LRBA: variants seen among roughly 807,000 people sequenced by gnomAD.
LRBA encodes the protein LPS responsive beige-like anchor protein.
In LRBA, 176 loss-of-function variants were observed where a neutral mutation model predicts 330.0. That is an observed-to-expected ratio of 0.53 (90% CI 0.47 to 0.60). LRBA has a LOEUF of 0.60. Ranked by LOEUF, LRBA falls within the 20% of genes least tolerant of loss-of-function variation. The pLI is 0.00. For synonymous variants in LRBA, 1,230 were observed against 1,193.0 expected, an observed-to-expected ratio of 1.03 and a Z score of -0.64; for missense variants, 3,259 against 3,444.8, an observed-to-expected ratio of 0.95 and a Z score of 1.35.
chr4:150,993,607 C>CT (rs769108630), intron 2 of LRBA, among the ~76,000 whole-genome samples: 2 of 152,130 alleles, frequency 1.3e-5, no homozygotes, highest in African/African-American at 2.4e-5. Context: ...TTTAATTGGA[C>CT]TTACAGTTCC....
rs539205921 is a variant in LRBA at position 150,292,838 on chromosome 4, G to T, written c.8018-6804C>A. ...TTGTAAAGGTCAACATAATAGTACTGAAGTCCATACCACTTGTAACAACTA... is the reference window on the plus strand; with the variant it reads ...TTGTAAAGGTCAACATAATAGTACTTAAGTCCATACCACTTGTAACAACTA... On this transcript the variant is annotated intron_variant, in intron 53 of 56. Coordinates refer to ENST00000651943, the MANE Select transcript of LRBA (RefSeq NM_001364905.1). Among the ~76,000 whole-genome samples the T allele has an allele frequency of 2.4e-4, 36 of 152,164 alleles. 1 individual carries two copies. In the South Asian group the frequency reaches 6.7e-3, roughly 28 times the overall value.
At chr4:150,969,566 C>G (rs868839089) in intron 2 of LRBA, among the ~76,000 whole-genome samples, 5 of 152,174 alleles carry the variant, frequency 3.3e-5, no homozygotes, top group African/African-American at 1.2e-4. Context: ...CTCCCAGACT[C>G]AGGTAATCCT....
Position 150,836,242 on chromosome 4 carries a change from G to A in LRBA, c.4570-4266C>T, listed in dbSNP as rs1026826568. Among the ~76,000 whole-genome samples, 34 of 152,146 alleles carry A rather than the reference G, an allele frequency of 2.2e-4. 1 individual carries two copies. Among genetic ancestry groups the A allele is most frequent in the Non-Finnish European group, 1.9e-4 (13 of 68,026 alleles). The stretch of plus-strand genomic sequence containing the variant: ...GGATTTTTGCATCGATGTTCATCAG[G>A]GATATTGGTCTAAAATTCTCTTTTT... On this transcript the variant is annotated intron_variant, in intron 28 of 56. Coordinates refer to ENST00000651943, the MANE Select transcript of LRBA (RefSeq NM_001364905.1).
At position 150,382,687 on chromosome 4, in the gene LRBA, T is replaced by C. The variant is rs76500772; in HGVS notation, c.7195-32528A>G. On this transcript the variant is annotated intron_variant, in intron 47 of 56. Coordinates refer to ENST00000651943, the MANE Select transcript of LRBA (RefSeq NM_001364905.1). ...TTTGCAAATATTCACAGGCTTTTTG[T>C]GCTTTTTCAAGGCAAACTAAACCAA... is the stretch of plus-strand genomic sequence containing the variant. Among the ~76,000 whole-genome samples the C allele has an allele frequency of 4.1e-3, 628 of 152,078 alleles. 4 individuals are homozygous for C. Among genetic ancestry groups the C allele is most frequent in the African/African-American group, 0.014 (564 of 41,482 alleles).
At chr4:150,843,074 G>A (rs755382331) in intron 28 of LRBA, among the ~76,000 whole-genome samples, 4 of 152,108 alleles carry the variant, frequency 2.6e-5, no homozygotes, top group African/African-American at 4.8e-5. Context: ...ACCAGGAGGC[G>A]GAGCTTGGCT....
intron 37 of LRBA, among the ~76,000 whole-genome samples, chr4:150,671,064 CAG>C (rs112359871): frequency 4.4e-5 from 5 of 112,980 alleles, no homozygotes; most frequent in African/African-American, 1.7e-4. Context: ...GAGAGAGAGA[CAG>C]AGAGAGAGAT....
At chr4:150,548,186 C>A (rs192045198) in intron 40 of LRBA, among the ~76,000 whole-genome samples, 58 of 152,148 alleles carry the variant, frequency 3.8e-4, no homozygotes, top group Non-Finnish European at 2.9e-5. Flanking sequence ...GTGTCAGATA[C>A]ATAATAATCA....
At chr4:150,310,725 C>T (rs1422822182) in intron 51 of LRBA, 5 of 192,208 alleles carry the variant, frequency 2.6e-5, no homozygotes, top group Non-Finnish European at 2.1e-5. Flanking sequence ...GTGTTTCTGA[C>T]AATCTCATTA....
At chr4:150,943,914 C>T (rs1409672124) in intron 2 of LRBA, among the ~76,000 whole-genome samples, 1 of 152,080 alleles carries the variant, frequency 6.6e-6, no homozygotes, top group South Asian at 2.1e-4. Flanking sequence ...ATCATTCATT[C>T]TAAGGAAAAT....
intron 40 of LRBA, among the ~76,000 whole-genome samples, chr4:150,493,522 G>A (rs1759213743): frequency 6.6e-6 from 1 of 152,158 alleles, no homozygotes; most frequent in South Asian, 2.1e-4. Flanking sequence ...GAAAATAGTT[G>A]AGAAAACAGA....
chr4:150,952,344 G>C (rs1315703497), intron 2 of LRBA, among the ~76,000 whole-genome samples: 1 of 152,120 alleles, frequency 6.6e-6, no homozygotes, highest in Non-Finnish European at 1.5e-5. Flanking sequence ...AAATGTGTAG[G>C]ATGTATATGG....
intron 16 of LRBA, among the ~76,000 whole-genome samples, chr4:150,894,202 G>T (rs1308112549): frequency 2.6e-5 from 4 of 152,004 alleles, no homozygotes; most frequent in Non-Finnish European, 5.9e-5. Flanking sequence ...TAGTGGTAGG[G>T]CTAAGATATT....
intron 34 of LRBA, among the ~76,000 whole-genome samples, chr4:150,779,375 TAAA>T (rs921428650): frequency 6.6e-6 from 1 of 151,988 alleles, no homozygotes; most frequent in African/African-American, 2.4e-5. Context: ...CTAATAATCA[TAAA>T]AAATTTTAAG....
intron 22 of LRBA, among the ~76,000 whole-genome samples, chr4:150,862,464 G>A (rs981343538): frequency 1.3e-5 from 2 of 152,026 alleles, no homozygotes; most frequent in African/African-American, 4.8e-5. Context: ...TCACTCATAG[G>A]TGGGAATTGA....
chr4:150,991,842 G>A (rs1742122919), intron 2 of LRBA, among the ~76,000 whole-genome samples: 1 of 152,160 alleles, frequency 6.6e-6, no homozygotes, highest in Non-Finnish European at 1.5e-5. Flanking sequence ...TGACAAAGAT[G>A]TAATCTCTGC....
intron 34 of LRBA, among the ~76,000 whole-genome samples, chr4:150,796,003 C>T (rs866304587): frequency 6.6e-6 from 1 of 151,940 alleles, no homozygotes; most frequent in East Asian, 1.9e-4. Context: ...ATAAGCATAT[C>T]CCATTATTTA....
chr4:150,723,240 T>G (rs1729175744), intron 36 of LRBA, among the ~76,000 whole-genome samples: 1 of 152,138 alleles, frequency 6.6e-6, no homozygotes, highest in African/African-American at 2.4e-5. Flanking sequence ...AGGAAGTGCT[T>G]GCATTAGCCG....
chr4:150,473,014 G>A (rs1756323442), intron 42 of LRBA, among the ~76,000 whole-genome samples: 1 of 152,036 alleles, frequency 6.6e-6, no homozygotes, highest in Non-Finnish European at 1.5e-5. Flanking sequence ...GGAATTGCTA[G>A]GTTGTATGTT....
chr4:150,687,169 G>A (rs1386432734), intron 36 of LRBA, among the ~76,000 whole-genome samples: 1 of 151,976 alleles, frequency 6.6e-6, no homozygotes, highest in Non-Finnish European at 1.5e-5. Context: ...TTTTTTAAAT[G>A]TCCTTATAAT....
Sources: allele counts gnomAD v4.1 joint callset (sites outside exome capture counted in the v4.1 genomes callset), GRCh38; gene constraint gnomAD v4.1.1; transcripts MANE v1.5; gene names NCBI Gene and HGNC (gene_info 2026-07-23, HGNC 2026-07-21).